Variants in ATP2B1 observed in about 807,000 individuals in gnomAD.
The protein encoded by ATP2B1 is plasma membrane calcium-transporting ATPase 1.
In ATP2B1, 14 loss-of-function variants were observed where a neutral mutation model predicts 124.2. The ratio of observed to expected loss-of-function variants is 0.11; its 90% confidence interval spans 0.07 to 0.18. ATP2B1 has a LOEUF of 0.18. Among genes scored for constraint, ATP2B1 ranks in the 10% least tolerant of loss-of-function variants. The probability of loss-of-function intolerance (pLI) is 1.00; values close to 1 mark genes in which losing one functional copy is unlikely to be tolerated. For missense variants in ATP2B1, 763 were observed against 1,466.1 expected (o/e 0.52, Z 7.83); for synonymous variants, 449 against 492.4 (o/e 0.91, Z 1.17).
chr12:89,644,945 A>G (rs1884214806), intron 2 of ATP2B1, among the ~76,000 whole-genome samples: 2 of 152,342 alleles, frequency 1.3e-5, no homozygotes, highest in Admixed American at 1.3e-4. Context: ...ATGGGAAGTA[A>G]AGGTCTTAAA....
chr12:89,638,476 G>C (rs913169456), intron 3 of ATP2B1, among the ~76,000 whole-genome samples: 1 of 152,122 alleles, frequency 6.6e-6, no homozygotes, highest in Non-Finnish European at 1.5e-5. Flanking sequence ...TCATTAATGT[G>C]TAACATAATT....
intron 12 of ATP2B1, among the ~76,000 whole-genome samples, chr12:89,615,590 A>G (rs1421453065): frequency 6.6e-6 from 1 of 152,206 alleles, no homozygotes; most frequent in Non-Finnish European, 1.5e-5. Context: ...TCACTGAACA[A>G]AAGTGGTTTT....
rs2135947432 is a variant in ATP2B1 at position 89,603,956 on chromosome 12, C to CT, written c.2635-32_2635-31insA. 2.5e-6 allele frequency: 4 copies of CT among 1,599,558 alleles called. No homozygotes were observed. In the East Asian group the frequency reaches 9.0e-5, roughly 36 times the overall value. On this transcript the variant is annotated intron_variant, in intron 16 of 20. Coordinates refer to ENST00000428670, the MANE Select transcript of ATP2B1 (RefSeq NM_001366521.1). The surrounding 1 kb of genome is among the most constrained non-coding windows in gnomAD (Gnocchi z 4.3). Reference sequence around the variant, plus strand: ...AAAGATATGTTTCCTAATAGACATTCACAACTACTCAGGGGCTCAGCAATT... The same window carrying CT: ...AAAGATATGTTTCCTAATAGACATTCTACAACTACTCAGGGGCTCAGCAATT...
intron 1 of ATP2B1, among the ~76,000 whole-genome samples, chr12:89,699,140 G>A (rs373673154): frequency 6.6e-6 from 1 of 152,136 alleles, no homozygotes; most frequent in Non-Finnish European, 1.5e-5. Flanking sequence ...TCTATAAACT[G>A]ACTTGTTTCT....
chr12:89,647,318 A>T (rs1173584473), intron 2 of ATP2B1, among the ~76,000 whole-genome samples: 1 of 152,154 alleles, frequency 6.6e-6, no homozygotes, highest in Non-Finnish European at 1.5e-5. Flanking sequence ...TTGGGGTCTG[A>T]CTCCATCATT....
chr12:89,688,412 A>C (rs1473473880), intron 1 of ATP2B1, among the ~76,000 whole-genome samples: 1 of 152,158 alleles, frequency 6.6e-6, no homozygotes, highest in East Asian at 1.9e-4. Flanking sequence ...AGTGAGCTCC[A>C]GGGATCAGGA....
intron 3 of ATP2B1, among the ~76,000 whole-genome samples, chr12:89,635,967 T>C (rs548202232): frequency 2.0e-5 from 3 of 152,188 alleles, no homozygotes; most frequent in African/African-American, 7.2e-5. Context: ...TATGAAGAAT[T>C]CAGATAATAA....
chr12:89,696,497 G>C (rs966996603), intron 1 of ATP2B1, among the ~76,000 whole-genome samples: 4 of 66,752 alleles, frequency 6.0e-5, no homozygotes, highest in Admixed American at 5.6e-4. Context: ...TTAATGACAT[G>C]AGAAAATAAT....
intron 5 of ATP2B1, among the ~76,000 whole-genome samples, chr12:89,631,429 C>T (rs746714690): frequency 2.6e-5 from 4 of 152,156 alleles, no homozygotes; most frequent in Non-Finnish European, 5.9e-5. Flanking sequence ...TTCCCACACC[C>T]AACCTCATAA....
chr12:89,633,343 G>C (rs909042423), intron 5 of ATP2B1, among the ~76,000 whole-genome samples: 2 of 151,558 alleles, frequency 1.3e-5, no homozygotes, highest in Non-Finnish European at 2.9e-5. Context: ...GGGTACATGT[G>C]CACAATGTGT....
At chr12:89,642,507 A>C in intron 2 of ATP2B1, 152 bp from the exon 3 acceptor site, 1 of 773,726 alleles carries the variant, frequency 1.3e-6, no homozygotes, top group East Asian at 2.6e-5. Context: ...TCACTGAAAA[A>C]CATGTGCAGG....
chr12:89,677,971 T>TATATATATATATACAC (rs1461216851), intron 1 of ATP2B1, among the ~76,000 whole-genome samples: 41 of 52,314 alleles, frequency 7.8e-4, no homozygotes, highest in African/African-American at 2.8e-3. Flanking sequence ...TATATATATA[T>TATATATATATATACAC]ACACACACAC....
At chr12:89,701,516 G>A (rs982846070) in intron 1 of ATP2B1, among the ~76,000 whole-genome samples, 3 of 152,136 alleles carry the variant, frequency 2.0e-5, no homozygotes, top group Admixed American at 1.3e-4. Context: ...AGCAGAGAAG[G>A]TTAAGGAAAT....
rs952877920 is a variant in ATP2B1, at chr12:89,589,092, C to A, written c.*1892G>T. ...TATAAATACCTGATGAATAAATGTA[C>A]AATTACAAATGCTGACAGAGCCAAT... On this transcript the variant is annotated 3_prime_UTR_variant, in exon 21 of 21. Transcript: ENST00000428670. 6.6e-6 allele frequency: 1 copy of A among 152,536 alleles called. No individual in the cohort carries two copies. Among genetic ancestry groups the A allele is most frequent in the Admixed American group, 6.5e-5 (1 of 15,272 alleles). 9.4% of individuals were successfully genotyped at this position (152,536 alleles called of 1,614,324 possible).
chr12:89,619,999 T>G lies in ATP2B1; in HGVS notation c.1829A>C (p.Lys610Thr). The G allele has an allele frequency of 1.2e-6, 2 of 1,613,358 alleles. No homozygotes were observed. The highest frequency in any genetic ancestry group is 1.7e-6 in the Non-Finnish European group (2 of 1,179,446). Residue 610 changes from lysine to threonine, a missense_variant and splice_region_variant, in exon 11 of 21, where the codon AAG (lysine) becomes ACG (threonine). This residue lies in a region of ATP2B1 where 392 missense variants were observed against 776.6 expected (regional missense o/e 0.50). Transcript: ENST00000428670. ...ATTCATCCAAGCATTTTACTCTTAC[T>G]TTTTCAGAATTATCTCAGATGCACC... is the stretch of plus-strand genomic sequence containing the variant. ...SKGASEIILKKCFKILSANGE... is the reference protein window; with the variant it reads ...SKGASEIILKTCFKILSANGE...
Position 89,603,844 on chromosome 12 carries a change from G to T in ATP2B1, c.2716C>A (p.Pro906Thr). The T allele has an allele frequency of 6.2e-7, 1 of 1,614,072 alleles. No homozygotes were observed. The highest frequency in any genetic ancestry group is 8.5e-7 in the Non-Finnish European group (1 of 1,180,000). Residue 906 changes from proline to threonine, a missense_variant, in exon 17 of 21, where the codon CCA becomes ACA. By Grantham distance (38) the Pro-to-Thr change is conservative. Coordinates refer to ENST00000428670, the MANE Select transcript of ATP2B1 (RefSeq NM_001366521.1). This position sits in a 1 kb window ranked among gnomAD's most constrained non-coding sequence, Gnocchi z 4.3. ...TLASLALATEPPTESLLLRKP... is the reference protein window; with the variant it reads ...TLASLALATETPTESLLLRKP... The stretch of plus-strand genomic sequence containing the variant: ...CGAAGCAAGAGAGACTCAGTGGGTG[G>T]TTCCGTTGCCAGAGCCAGGGAAGCG...
intron 5 of ATP2B1, among the ~76,000 whole-genome samples, chr12:89,633,197 A>G (rs1425004160): frequency 6.6e-6 from 1 of 152,150 alleles, no homozygotes. Context: ...TAAATACATT[A>G]TATTTATATA....
At chr12:89,623,635 G>A (rs1174603928) in intron 9 of ATP2B1, among the ~76,000 whole-genome samples, 1 of 152,184 alleles carries the variant, frequency 6.6e-6, no homozygotes, top group East Asian at 1.9e-4. Context: ...CAGTTGAGAT[G>A]TTTGAAAATC....
chr12:89,624,842 A>C (rs1029756221), intron 8 of ATP2B1, among the ~76,000 whole-genome samples: 5 of 152,218 alleles, frequency 3.3e-5, no homozygotes, highest in African/African-American at 9.6e-5. Flanking sequence ...TAACATTATA[A>C]TAAATAAAAT....
Sources: allele counts gnomAD v4.1 joint callset (sites outside exome capture counted in the v4.1 genomes callset), GRCh38; gene constraint gnomAD v4.1.1; regional missense constraint gnomAD v4.1.1; non-coding constraint Gnocchi (gnomAD v3.1); transcripts MANE v1.5; gene names NCBI Gene and HGNC (gene_info 2026-07-23, HGNC 2026-07-21).